The following ARHGAP32 variants were observed in gnomAD, a reference collection of about 807,000 sequenced individuals.
The protein encoded by ARHGAP32 is Rho GTPase activating protein 32, also known as rho GTPase-activating protein 32.
A neutral mutation model predicts 186.5 loss-of-function variants in ARHGAP32; 51 were observed. The ratio of observed to expected loss-of-function variants is 0.27; its 90% confidence interval spans 0.22 to 0.35. The LOEUF is 0.35. ARHGAP32 is among the 10% of genes least tolerant of loss of function. ARHGAP32 has a pLI of 1.00. For missense variants in ARHGAP32, 2,186 were observed against 2,623.5 expected (o/e 0.83, Z 3.64); for synonymous variants, 950 against 964.3 (o/e 0.99, Z 0.27).
At chr11:129,178,328 G>A (rs1419571280) in intron 1 of ARHGAP32, among the ~76,000 whole-genome samples, 1 of 151,024 alleles carries the variant, frequency 6.6e-6, no homozygotes, top group Admixed American at 6.6e-5. Flanking sequence ...CCATGCTCAT[G>A]GGTAGGAAGA....
intron 2 of ARHGAP32, among the ~76,000 whole-genome samples, chr11:129,163,054 T>C (rs1265074667): frequency 6.6e-6 from 1 of 152,200 alleles, no homozygotes; most frequent in African/African-American, 2.4e-5. Context: ...TTAATTGGAA[T>C]TGATTAACTG....
chr11:129,118,213 A>T (rs545201992), intron 5 of ARHGAP32, among the ~76,000 whole-genome samples: 1 of 152,132 alleles, frequency 6.6e-6, no homozygotes, highest in African/African-American at 2.4e-5. Flanking sequence ...AGCAGAGATT[A>T]AGTAGTATAT....
chr11:129,137,320 TCA>T (rs1942959059), intron 2 of ARHGAP32, among the ~76,000 whole-genome samples: 3 of 151,960 alleles, frequency 2.0e-5, no homozygotes, highest in Non-Finnish European at 4.4e-5. Context: ...TCTGAATGTC[TCA>T]GTTTTGTAGT....
chr11:129,010,282 A>G (rs2134819473), intron 11 of ARHGAP32, among the ~76,000 whole-genome samples: 1 of 152,082 alleles, frequency 6.6e-6, no homozygotes, highest in African/African-American at 2.4e-5. Flanking sequence ...GCTGTGCTGA[A>G]TCTCTTTAGT....
At chr11:129,161,412 C>T (rs943552261) in intron 2 of ARHGAP32, among the ~76,000 whole-genome samples, 1 of 151,596 alleles carries the variant, frequency 6.6e-6, no homozygotes, top group African/African-American at 2.4e-5. Flanking sequence ...ATCCATCTGA[C>T]AAAGGGCTAA....
Position 129,080,231 on chromosome 11 carries a change from C to A in ARHGAP32, c.532-13363G>T, listed in dbSNP as rs545771904. Reference sequence around the variant, plus strand: ...TCAACAAAGCTATAATGGACTTAAACTATACCCTAGAACAAATGGACTTAA... The same window carrying A: ...TCAACAAAGCTATAATGGACTTAAAATATACCCTAGAACAAATGGACTTAA... On this transcript the variant is annotated intron_variant, in intron 6 of 22. Transcript: ENST00000682385. Among the ~76,000 whole-genome samples the A allele has an allele frequency of 3.9e-3, 592 of 152,224 alleles. 2 individuals are homozygous for A. The highest frequency in any genetic ancestry group is 0.014 in the African/African-American group (566 of 41,558).
chr11:128,998,419 C>G lies in ARHGAP32; in HGVS notation c.1095G>C (p.Lys365Asn), dbSNP rs367782196. 3 of 1,592,274 alleles carry G rather than the reference C, an allele frequency of 1.9e-6. No individual in the cohort carries two copies. Among genetic ancestry groups the G allele is most frequent in the Non-Finnish European group, 2.6e-6 (3 of 1,168,094 alleles). The change falls in exon 12 of 23, where the codon AAG becomes AAC. Residue 365 changes from lysine to asparagine, a missense_variant. Around this residue, in one of 5 missense-constraint regions of ARHGAP32, gnomAD observed 308 missense variants for 596.5 expected, o/e 0.52. Transcript: ENST00000682385. ...TCAGCTTCTGTTTTGTTGGACGAGA[C>G]TTCATGAATGTTCGTAAGAACGTAA... ...KLITFLRTFM[K>N]SRPTKQKLKQ...
At chr11:129,095,870 CAA>C (rs1325920569) in intron 5 of ARHGAP32, among the ~76,000 whole-genome samples, 1 of 152,202 alleles carries the variant, frequency 6.6e-6, no homozygotes, top group Non-Finnish European at 1.5e-5. Context: ...TAGCAAAGCA[CAA>C]AGATACCTTC....
Position 128,973,069 on chromosome 11 carries a change from T to G in ARHGAP32, c.3437A>C (p.His1146Pro). The change falls in exon 22 of 23, where the codon CAT (histidine) becomes CCT (proline). Residue 1146 changes from histidine (H) to proline (P), a missense_variant. Physicochemically the swap from His to Pro is moderately conservative, Grantham distance 77. Around this residue, in one of 5 missense-constraint regions of ARHGAP32, gnomAD observed 1,502 missense variants for 1,570.0 expected, o/e 0.96. Coordinates refer to ENST00000682385, the MANE Select transcript of ARHGAP32 (RefSeq NM_001378024.1). Reference sequence around the variant, plus strand: ...CTCCCCAGATTCAGTTGTGTTGGAATGGGTAGGATCCCCAGTAGCTGTTGT... The same window carrying G: ...CTCCCCAGATTCAGTTGTGTTGGAAGGGGTAGGATCCCCAGTAGCTGTTGT... ...PETTATGDPT[H>P]SNTTESGEQH... is the part of the protein sequence containing the mutation. 6.2e-7 allele frequency: 1 copy of G among 1,614,120 alleles called. No individual in the cohort carries two copies.
At chr11:129,025,292 ATCT>A (rs1938785761) in intron 11 of ARHGAP32, among the ~76,000 whole-genome samples, 1 of 152,166 alleles carries the variant, frequency 6.6e-6, no homozygotes, top group Non-Finnish European at 1.5e-5. Flanking sequence ...CCATTCCAAA[ATCT>A]TCTGCTGTTG....
At chr11:129,082,789 C>A (rs1941258530) in intron 6 of ARHGAP32, among the ~76,000 whole-genome samples, 1 of 151,732 alleles carries the variant, frequency 6.6e-6, no homozygotes, top group South Asian at 2.1e-4. Context: ...ATACAAACAA[C>A]CCACAGAGTG....
chr11:129,145,482 G>C (rs762410266), intron 2 of ARHGAP32, among the ~76,000 whole-genome samples: 19 of 146,440 alleles, frequency 1.3e-4, no homozygotes, highest in Non-Finnish European at 1.8e-4. Context: ...GTAAGACCTA[G>C]AAGAACCATT....
chr11:129,036,970 A>C (rs899632050), intron 11 of ARHGAP32, among the ~76,000 whole-genome samples: 14 of 152,240 alleles, frequency 9.2e-5, no homozygotes, highest in Admixed American at 7.2e-4. Context: ...AATCCCAAGG[A>C]ATCCACTATG....
chr11:129,195,345 T>G (rs935710835), upstream of ARHGAP32, among the ~76,000 whole-genome samples: 1 of 152,160 alleles, frequency 6.6e-6, no homozygotes, highest in African/African-American at 2.4e-5. Flanking sequence ...TTCATTATGA[T>G]GGTTGATTTC....
chr11:129,211,535 G>A (rs1470474760), intron 1 of ARHGAP32, among the ~76,000 whole-genome samples: 1 of 152,130 alleles, frequency 6.6e-6, no homozygotes, highest in East Asian at 1.9e-4. Flanking sequence ...TGCCTTCTAT[G>A]CAAGCCGAAA....
chr11:129,064,233 CAA>C (rs147900948), intron 8 of ARHGAP32, among the ~76,000 whole-genome samples: 2 of 150,110 alleles, frequency 1.3e-5, no homozygotes, highest in African/African-American at 2.4e-5. Context: ...CTCATAACTC[CAA>C]AAAAAAATAC....
chr11:128,985,858 G>GTGTGTATATA (rs760311247), intron 15 of ARHGAP32, 145 bp downstream of exon 15: 4,680 of 95,702 alleles, frequency 0.049, 166 homozygotes, highest in Non-Finnish European at 0.067. Flanking sequence ...GTGTGTGTGT[G>GTGTGTATATA]TATATATATA....
upstream of ARHGAP32, among the ~76,000 whole-genome samples, chr11:129,196,130 A>G (rs1047888174): frequency 2.0e-5 from 3 of 152,166 alleles, no homozygotes; most frequent in Non-Finnish European, 4.4e-5. Context: ...AAGCATTCTT[A>G]CAGCAACAAT....
chr11:129,137,191 T>A (rs181506383), intron 2 of ARHGAP32, among the ~76,000 whole-genome samples: 170 of 151,070 alleles, frequency 1.1e-3, no homozygotes, highest in Non-Finnish European at 1.9e-3. Flanking sequence ...ACTAAAAGAC[T>A]GTAAATATAA....
Sources: allele counts gnomAD v4.1 joint callset (sites outside exome capture counted in the v4.1 genomes callset), GRCh38; gene constraint gnomAD v4.1.1; regional missense constraint gnomAD v4.1.1; transcripts MANE v1.5; gene names NCBI Gene and HGNC (gene_info 2026-07-23, HGNC 2026-07-21).